Variants in PLXNA4 observed in about 807,000 individuals in gnomAD.
The protein encoded by PLXNA4 is plexin A4, also known as plexin-A4.
Under a neutral mutation model 191.8 loss-of-function variants are expected in PLXNA4, and 44 were observed. The observed-to-expected ratio is 0.23, with a 90% CI of 0.18 to 0.29. PLXNA4 has a LOEUF of 0.29. PLXNA4 is among the 10% of genes least tolerant of loss of function. The pLI, the probability that PLXNA4 is intolerant of heterozygous loss-of-function variation, is 1.00. For synonymous variants in PLXNA4, 1,082 were observed against 1,009.5 expected (o/e 1.07, Z -1.36); for missense variants, 1,800 against 2,488.8 (o/e 0.72, Z 5.89).
In PLXNA4 at chr7:132,490,601, A is replaced by G. The variant is rs550674850; in HGVS notation, c.1189-1127T>C. Among the ~76,000 whole-genome samples, 7 of 151,678 alleles carry G rather than the reference A, an allele frequency of 4.6e-5. No homozygotes were observed. The East Asian group carries it at 1.2e-3, about 25-fold the overall frequency. On this transcript the variant is annotated intron_variant, in intron 2 of 31. Coordinates refer to ENST00000321063, the MANE Select transcript of PLXNA4 (RefSeq NM_020911.2). The stretch of plus-strand genomic sequence containing the variant: ...CCACCATGCCTGGCTAAATTTTTGT[A>G]TTTTTTGTAGAGACAGTATTTCATC...
intron 2 of PLXNA4, among the ~76,000 whole-genome samples, chr7:132,644,680 T>C (rs1269997540): frequency 2.0e-5 from 3 of 152,190 alleles, no homozygotes; most frequent in African/African-American, 7.2e-5. Context: ...CTTCGTGATA[T>C]ATTTAAAGAG....
rs5887566 is a variant in PLXNA4, at chr7:132,322,184, C to CTTTTTT, written c.1372-23968_1372-23963dup. ...CTAGAGTTCAATTTCCCTAAAAGGG[C>CTTTTTT]TTTTTTTTTTTTTTTTTTAACAGAG... On this transcript the variant is annotated intron_variant, in intron 3 of 31. Coordinates refer to ENST00000321063, the MANE Select transcript of PLXNA4 (RefSeq NM_020911.2). Among the ~76,000 whole-genome samples the CTTTTTT allele has an allele frequency of 1.9e-3, 231 of 122,474 alleles. 4 individuals are homozygous for CTTTTTT. Among genetic ancestry groups the CTTTTTT allele is most frequent in the African/African-American group, 6.5e-3 (215 of 33,316 alleles). The allele number at this position is 122,474 out of a possible 152,430, so 80.3% of individuals were successfully genotyped here.
intron 9 of PLXNA4, among the ~76,000 whole-genome samples, chr7:132,221,069 G>A (rs1201455283): frequency 6.6e-6 from 1 of 151,816 alleles, no homozygotes; most frequent in Non-Finnish European, 1.5e-5. Context: ...GACTGGTCTT[G>A]AACTCCTGGA....
chr7:132,455,196 C>T (rs958509445), intron 3 of PLXNA4, among the ~76,000 whole-genome samples: 1 of 152,196 alleles, frequency 6.6e-6, no homozygotes, highest in African/African-American at 2.4e-5. Context: ...CTGTTTGCCT[C>T]CCTCCTGGCA....
intron 1 of PLXNA4, among the ~76,000 whole-genome samples, chr7:132,532,627 C>T (rs184669735): frequency 5.3e-4 from 81 of 152,316 alleles, no homozygotes; most frequent in Non-Finnish European, 8.8e-4. Context: ...TCTTTCCAAA[C>T]CATTTGTCGT....
chr7:132,624,805 C>A (rs1585413033), intron 2 of PLXNA4, among the ~76,000 whole-genome samples: 1 of 152,268 alleles, frequency 6.6e-6, no homozygotes, highest in Non-Finnish European at 1.5e-5. Flanking sequence ...CCTTTAGAAT[C>A]AATTTCACCA....
At position 132,484,692 on chromosome 7, in the gene PLXNA4, G is replaced by A. The variant is rs144538903; in HGVS notation, c.1371+4600C>T. On this transcript the variant is annotated intron_variant, in intron 3 of 31. Transcript: ENST00000321063. The stretch of plus-strand genomic sequence containing the variant: ...CCTCTGCCCTAACCACATGTTCCTA[G>A]TCTATTTGGTGTTCCAACATTGTAT... 2,786 of 1,451,214 alleles carry A rather than the reference G, an allele frequency of 1.9e-3. 4 individuals carry two copies. The highest frequency in any genetic ancestry group is 3.4e-3 in the Admixed American group (163 of 47,976). The allele number at this position is 1,451,214 out of a possible 1,614,324, so 89.9% of individuals were successfully genotyped here.
intron 1 of PLXNA4, among the ~76,000 whole-genome samples, chr7:132,516,220 T>A (rs895425547): frequency 1.3e-4 from 19 of 148,230 alleles, no homozygotes; most frequent in African/African-American, 2.0e-4. Flanking sequence ...CATTTTGTCC[T>A]TTTATTTATT....
In PLXNA4 at chr7:132,612,663, CAAAAAAAAAA is replaced by C. The variant is rs71529768; in HGVS notation, c.-87+33255_-87+33264del. On this transcript the variant is annotated intron_variant, in intron 2 of 4. Coordinates refer to the PLXNA4 transcript ENST00000378539. Reference sequence around the variant, plus strand: ...TGGGCAACAGAAAGAGTCTCCATCTCAAAAAAAAAAAAAAAAAAAAAGTCCTCATCCTGAC... The same window carrying C: ...TGGGCAACAGAAAGAGTCTCCATCTCAAAAAAAAAAAGTCCTCATCCTGAC... Among the ~76,000 whole-genome samples, 293 of 68,410 alleles carry C rather than the reference CAAAAAAAAAA, an allele frequency of 4.3e-3. 1 individual carries two copies. The highest frequency in any genetic ancestry group is 0.014 in the African/African-American group (276 of 19,490). The allele number at this position is 68,410 out of a possible 152,430, so 44.9% of individuals were successfully genotyped here.
chr7:132,429,870 C>G (rs1488715938), intron 3 of PLXNA4, among the ~76,000 whole-genome samples: 1 of 152,184 alleles, frequency 6.6e-6, no homozygotes, highest in Non-Finnish European at 1.5e-5. Context: ...TATGCAAGCC[C>G]TCAGGAAATC....
At chr7:132,291,684 G>C (rs924707269) in intron 4 of PLXNA4, among the ~76,000 whole-genome samples, 3 of 152,108 alleles carry the variant, frequency 2.0e-5, no homozygotes, top group African/African-American at 7.2e-5. Flanking sequence ...CCTGCATGTC[G>C]AGAGCTGGCC....
chr7:132,141,042 G>A (rs183692189), intron 29 of PLXNA4, among the ~76,000 whole-genome samples: 1 of 152,348 alleles, frequency 6.6e-6, no homozygotes, highest in Admixed American at 6.5e-5. Flanking sequence ...TTCATCCAGA[G>A]ATATAATGTT....
chr7:132,229,101 C>A (rs1373407620), intron 5 of PLXNA4, among the ~76,000 whole-genome samples: 1 of 152,098 alleles, frequency 6.6e-6, no homozygotes, highest in Non-Finnish European at 1.5e-5. Flanking sequence ...CAAGTAGGAG[C>A]TTTTCAAAAA....
chr7:132,175,003 C>T, intron 20 of PLXNA4, 83 bp from the exon 21 acceptor site: 1 of 1,573,702 alleles, frequency 6.4e-7, no homozygotes, highest in Non-Finnish European at 8.7e-7. Flanking sequence ...AGAACCCTTA[C>T]CCAAGCCCCT....
intron 1 of PLXNA4, among the ~76,000 whole-genome samples, chr7:132,563,712 T>C (rs1043515019): frequency 0.032 from 1,025 of 32,296 alleles, no homozygotes; most frequent in East Asian, 0.056. Context: ...TCCTCCTCCT[T>C]CTCCTCCTCC....
intron 3 of PLXNA4, among the ~76,000 whole-genome samples, chr7:132,480,953 G>T (rs1377625662): frequency 6.6e-6 from 1 of 152,206 alleles, no homozygotes; most frequent in Non-Finnish European, 1.5e-5. Flanking sequence ...AGCCAGCTGA[G>T]GCTGAATGGC....
At chr7:132,452,495 A>G (rs1021775018) in intron 3 of PLXNA4, among the ~76,000 whole-genome samples, 3 of 152,196 alleles carry the variant, frequency 2.0e-5, no homozygotes, top group Admixed American at 1.3e-4. Flanking sequence ...GAAATCCAAA[A>G]AAACATGGCA....
chr7:132,472,056 A>G (rs1585185091), intron 3 of PLXNA4, among the ~76,000 whole-genome samples: 1 of 152,152 alleles, frequency 6.6e-6, no homozygotes, highest in African/African-American at 2.4e-5. Context: ...TGCAGAAAAC[A>G]CTCTGTAAAG....
chr7:132,528,113 A>T (rs1563153450), intron 1 of PLXNA4, among the ~76,000 whole-genome samples: 1 of 152,240 alleles, frequency 6.6e-6, no homozygotes, highest in East Asian at 1.9e-4. Context: ...CAGCTTGAAT[A>T]AAGAAGGTAT....
Sources: allele counts gnomAD v4.1 joint callset (sites outside exome capture counted in the v4.1 genomes callset), GRCh38; gene constraint gnomAD v4.1.1; transcripts MANE v1.5; gene names NCBI Gene and HGNC (gene_info 2026-07-23, HGNC 2026-07-21).